The following SHLD3 variants were observed in gnomAD, a reference collection of about 807,000 sequenced individuals.
SHLD3 encodes the protein REV7-interacting novel NHEJ regulator 1.
In SHLD3, 15 loss-of-function variants were observed where a neutral mutation model predicts 21.4. That is an observed-to-expected ratio of 0.70 (90% CI 0.47 to 1.08). The LOEUF is 1.08. Among genes scored for constraint, SHLD3 ranks in the 50% least tolerant of loss-of-function variants. SHLD3 has a pLI of 0.00. For missense variants in SHLD3, 273 were observed against 286.1 expected (o/e 0.95, Z 0.33); for synonymous variants, 103 against 97.2 (o/e 1.06, Z -0.35).
At chr5:65,627,259 A>G (rs1581202870) in intron 1 of SHLD3, among the ~76,000 whole-genome samples, 1 of 151,950 alleles carries the variant, frequency 6.6e-6, no homozygotes, top group Admixed American at 6.6e-5. Flanking sequence ...CCATTGTTCT[A>G]GTTAATCAAC....
intron 1 of SHLD3, among the ~76,000 whole-genome samples, chr5:65,627,131 C>CAAAA (rs60169195): frequency 0.2 from 6,541 of 32,426 alleles, 1,856 homozygotes; most frequent in Non-Finnish European, 0.29. Flanking sequence ...GACCCTGTCT[C>CAAAA]AAAAAAAAAA....
chr5:65,625,713 CT>C (rs911012959), intron 1 of SHLD3, among the ~76,000 whole-genome samples: 33 of 147,610 alleles, frequency 2.2e-4, no homozygotes, highest in Non-Finnish European at 3.2e-4. Flanking sequence ...AACAGCAGCA[CT>C]TTTTTTTTTA....
In SHLD3 at chr5:65,626,600, G is replaced by A. The variant is rs1755244509; in HGVS notation, c.-121+1494G>A. 1.3e-5 allele frequency among the ~76,000 whole-genome samples: 2 copies of A among 152,094 alleles called. 1 individual carries two copies. The highest frequency in any genetic ancestry group is 4.1e-4 in the South Asian group (2 of 4,830). ...AAATACAAAAAGTTAGCCAGGCGTG[G>A]TGGCGGGCGCCTGTAGTCCCAGTTA... On this transcript the variant is annotated intron_variant, in intron 1 of 1. Coordinates refer to ENST00000510585, the MANE Select transcript of SHLD3 (RefSeq NM_001365341.2).
Position 65,630,250 on chromosome 5 carries a change from A to G in SHLD3, c.663A>G (p.Glu221=), listed in dbSNP as rs1043631186. The stretch of plus-strand genomic sequence containing the variant: ...TGTTCTGTGATATTATGTATTGTGA[A>G]TATGTGGGAAGTCTTCTTAAAGGAA... ...IWVFCDIMYC[E]YVGSLLKGRL... Residue 221 remains glutamate, a synonymous_variant, in exon 2 of 2, where the codon GAA becomes GAG. Transcript: ENST00000510585. 1.6e-5 allele frequency: 24 copies of G among 1,535,666 alleles called. No individual in the cohort carries two copies. In the Admixed American group the frequency reaches 4.5e-4, roughly 29 times the overall value.
intron 1 of SHLD3, among the ~76,000 whole-genome samples, chr5:65,626,653 G>C (rs1581202075): frequency 6.6e-6 from 1 of 151,386 alleles, no homozygotes; most frequent in South Asian, 2.1e-4. Flanking sequence ...GGAGAATGGC[G>C]TGAACCCGGG....
At position 65,630,820 on chromosome 5, in the gene SHLD3, G is replaced by T; in HGVS notation, c.*480G>T. The T allele has an allele frequency of 3.0e-6, 1 of 336,094 alleles. No homozygotes were observed. The highest frequency in any genetic ancestry group is 4.2e-6 in the Non-Finnish European group (1 of 236,030). 20.8% of individuals were successfully genotyped at this position (336,094 alleles called of 1,614,324 possible). ...AATTGATAGGCTGTTTTCAAACAAC[G>T]ATACAAAATGTATACTTTGCCTAAA... On this transcript the variant is annotated 3_prime_UTR_variant, in exon 2 of 2. Coordinates refer to ENST00000510585, the MANE Select transcript of SHLD3 (RefSeq NM_001365341.2).
intron 1 of SHLD3, 124 bp from the exon 2 acceptor site, chr5:65,629,344 A>AT (rs760605135): frequency 1.7e-6 from 1 of 599,538 alleles, no homozygotes; most frequent in Non-Finnish European, 2.4e-6. Flanking sequence ...ACATTTACCA[A>AT]TAGCACTTTG....
rs373104336 is a variant in SHLD3 at position 65,630,022 on chromosome 5, T to C, written c.435T>C (p.Val145=). ...CCAGCAATAATTGTACTAAAAACGTTTCTCCTTTGTCTAAAAAATTGCAAG... is the reference window on the plus strand; with the variant it reads ...CCAGCAATAATTGTACTAAAAACGTCTCTCCTTTGTCTAAAAAATTGCAAG... ...SLPSNNCTKN[V]SPLSKKLQDS... The change falls in exon 2 of 2, where the codon GTT becomes GTC. Residue 145 remains valine, a synonymous_variant. Transcript: ENST00000510585. The C allele has an allele frequency of 6.5e-7, 1 of 1,535,996 alleles. No homozygotes were observed. Among genetic ancestry groups the C allele is most frequent in the African/African-American group, 1.4e-5 (1 of 73,144 alleles).
intron 1 of SHLD3, 85 bp from the exon 2 acceptor site, chr5:65,629,383 G>A: frequency 9.2e-7 from 1 of 1,085,894 alleles, no homozygotes; most frequent in Non-Finnish European, 1.2e-6. Context: ...ATTGGTTTTT[G>A]TTTTTTGTTT....
chr5:65,628,820 T>G (rs1263528414), intron 1 of SHLD3, among the ~76,000 whole-genome samples: 1 of 150,394 alleles, frequency 6.6e-6, no homozygotes, highest in Admixed American at 6.6e-5. Context: ...CCAGACAGAT[T>G]AGAATTTTTT....
rs1007524842 is a variant in SHLD3, at chr5:65,625,033, AG to A, written c.-192del. 1.2e-6 allele frequency: 2 copies of A among 1,607,130 alleles called. No homozygotes were observed. The highest frequency in any genetic ancestry group is 2.7e-5 in the African/African-American group (2 of 74,776). ...CAAGTTGAACCTGTCCAGCCCCCGT[AG>A]GCTGTGGGTCAAAAGTGCCGGTCAA... On this transcript the variant is annotated 5_prime_UTR_variant, in exon 1 of 2. Transcript: ENST00000510585.
At position 65,630,125 on chromosome 5, in the gene SHLD3, A is replaced by T. The variant is rs538073564; in HGVS notation, c.538A>T (p.Thr180Ser). The change falls in exon 2 of 2, where the codon ACT (threonine) becomes TCT (serine). Residue 180 changes from threonine (T) to serine (S), a missense_variant. Physicochemically the swap from Thr to Ser is moderately conservative, Grantham distance 58 (BLOSUM62 1). Coordinates refer to ENST00000510585, the MANE Select transcript of SHLD3 (RefSeq NM_001365341.2). Reference protein sequence around the residue: ...TIEHTICNSQTLEDIWTKLNQ... With the variant: ...TIEHTICNSQSLEDIWTKLNQ... ...AGAACACACTATTTGTAACAGCCAAACTCTGGAAGACATTTGGACAAAACT... is the reference window on the plus strand; with the variant it reads ...AGAACACACTATTTGTAACAGCCAATCTCTGGAAGACATTTGGACAAAACT... The T allele has an allele frequency of 2.1e-5, 33 of 1,536,050 alleles. No homozygotes were observed. The East Asian group carries it at 8.1e-4, about 38-fold the overall frequency.
At chr5:65,628,496 G>A (rs1384704692) in intron 1 of SHLD3, among the ~76,000 whole-genome samples, 1 of 144,710 alleles carries the variant, frequency 6.9e-6, no homozygotes, top group Non-Finnish European at 1.5e-5. Flanking sequence ...GTCTTGCCCT[G>A]TCACCCAGGC....
chr5:65,628,984 A>AT (rs1431042088), intron 1 of SHLD3, among the ~76,000 whole-genome samples: 3 of 150,990 alleles, frequency 2.0e-5, no homozygotes, highest in Admixed American at 6.6e-5. Context: ...CACCCAGCTA[A>AT]TTTTTTTTTG....
rs964405532 is a variant in SHLD3 at position 65,625,076 on chromosome 5, C to G, written c.-151C>G. ...GCCGGTCAAAATGGAAGTGAATCCC[C>G]CTAAACAGGAGCACCTGCTGGCGCT... On this transcript the variant is annotated 5_prime_UTR_variant, in exon 1 of 2. Coordinates refer to ENST00000510585, the MANE Select transcript of SHLD3 (RefSeq NM_001365341.2). 6.2e-7 allele frequency: 1 copy of G among 1,613,786 alleles called. No homozygotes were observed. Among genetic ancestry groups the G allele is most frequent in the Non-Finnish European group, 8.5e-7 (1 of 1,179,756 alleles).
At position 65,630,195 on chromosome 5, in the gene SHLD3, C is replaced by T; in HGVS notation, c.608C>T (p.Thr203Ile). 1 of 1,535,926 alleles carries T rather than the reference C, an allele frequency of 6.5e-7. No homozygotes were observed. The highest frequency in any genetic ancestry group is 8.7e-7 in the Non-Finnish European group (1 of 1,146,814). ...AATGAACTTCCATCTTGTAATGCTACAATTCAGAGGCATTTAGGCCAAATA... is the reference window on the plus strand; with the variant it reads ...AATGAACTTCCATCTTGTAATGCTATAATTCAGAGGCATTTAGGCCAAATA... ...RHNELPSCNA[T>I]IQRHLGQIWV... The change falls in exon 2 of 2, where the codon ACA (threonine) becomes ATA (isoleucine). Residue 203 changes from threonine (T) to isoleucine (I), a missense_variant. Transcript: ENST00000510585.
chr5:65,626,305 T>C (rs1006275444), intron 1 of SHLD3: 1 of 152,246 alleles, frequency 6.6e-6, no homozygotes, highest in African/African-American at 2.4e-5. Flanking sequence ...CCTGCCTCTC[T>C]TTCCAAGAGT....
At chr5:65,627,912 A>G (rs987009281) in intron 1 of SHLD3, among the ~76,000 whole-genome samples, 2 of 152,238 alleles carry the variant, frequency 1.3e-5, no homozygotes, top group East Asian at 1.9e-4. Context: ...CTTCAGAATC[A>G]GACAGTGATT....
Position 65,629,760 on chromosome 5 carries a change from C to G in SHLD3, c.173C>G (p.Pro58Arg). 1 of 1,536,060 alleles carries G rather than the reference C, an allele frequency of 6.5e-7. No individual in the cohort carries two copies. Among genetic ancestry groups the G allele is most frequent in the South Asian group, 1.2e-5 (1 of 84,062 alleles). Residue 58 changes from proline (P) to arginine (R), a missense_variant, in exon 2 of 2, where the codon CCT (proline) becomes CGT (arginine). Pro to Arg is a moderately radical substitution (Grantham distance 103). Transcript: ENST00000510585. ...KLPLRPKRSP[P>R]VISEEAAEDV... ...CCACTCAGACCTAAAAGATCACCAC[C>G]TGTGATTTCTGAAGAGGCAGCTGAA...
Sources: gnomAD v4.1 joint callset for allele counts (sites outside exome capture counted in the v4.1 genomes callset) on GRCh38, gnomAD v4.1.1 for gene constraint, MANE v1.5 for transcripts, NCBI Gene and HGNC (gene_info 2026-07-23, HGNC 2026-07-21) for gene names.